The following HPSE2 variants were observed in gnomAD, a reference collection of about 807,000 sequenced individuals.
HPSE2 encodes the protein heparanase 2 (inactive).
In HPSE2, 38 loss-of-function variants were observed where a neutral mutation model predicts 60.5. That is an observed-to-expected ratio of 0.63 (90% confidence interval 0.48 to 0.82). The LOEUF (loss-of-function observed/expected upper bound fraction) is 0.82, where lower values mean the gene tolerates loss of function less well. Ranked by LOEUF, HPSE2 falls within the 40% of genes least tolerant of loss-of-function variation. The pLI is 0.00. For missense variants in HPSE2, 713 were observed against 740.4 expected, an observed-to-expected ratio of 0.96 and a Z score of 0.43; for synonymous variants, 295 against 293.2, an observed-to-expected ratio of 1.01 and a Z score of -0.06.
intron 3 of HPSE2, chr10:99,048,061 A>T: frequency 2.8e-6 from 2 of 712,334 alleles, no homozygotes; most frequent in Non-Finnish European, 5.0e-6. Context: ...CATATATTGC[A>T]TGGGGGTACC....
the HPSE2 span, among the ~76,000 whole-genome samples, chr10:99,306,021 G>A: frequency 1.9e-5 from 1 of 51,390 alleles, no homozygotes; most frequent in Admixed American, 1.6e-4. Flanking sequence ...ACACCAGACT[G>A]CTGGGGAGTA....
intron 9 of HPSE2, among the ~76,000 whole-genome samples, chr10:98,509,877 T>C (rs1290259166): frequency 6.6e-6 from 1 of 151,884 alleles, no homozygotes. Flanking sequence ...AACGGCAGCA[T>C]TTCTCTTCTC....
intron 1 of HPSE2, among the ~76,000 whole-genome samples, chr10:99,235,162 CCTTTT>C: frequency 6.6e-6 from 1 of 151,874 alleles, no homozygotes; most frequent in Middle Eastern, 3.4e-3. Context: ...TTGTTTGAGA[CCTTTT>C]CTTCGCTTTT....
At chr10:99,002,922 T>TGTAG (rs1956808916) in intron 3 of HPSE2, among the ~76,000 whole-genome samples, 1 of 152,092 alleles carries the variant, frequency 6.6e-6, no homozygotes. Context: ...CTCAATACAT[T>TGTAG]GTTATTACCT....
intron 2 of HPSE2, among the ~76,000 whole-genome samples, chr10:99,173,943 CAAAAAAAAAAAA>C (rs61074165): frequency 3.4e-3 from 335 of 99,916 alleles, no homozygotes; most frequent in Middle Eastern, 9.3e-3. Flanking sequence ...GACTCTGTCT[CAAAAAAAAAAAA>C]AAAAAAAAAA....
chr10:99,144,189 A>C (rs1177357095), intron 3 of HPSE2, 49 bp downstream of exon 3: 1 of 1,591,152 alleles, frequency 6.3e-7, no homozygotes, highest in Non-Finnish European at 8.6e-7. Context: ...CCAAAAAACA[A>C]GTTACTAACT....
chr10:98,888,222 T>G (rs141584418), intron 3 of HPSE2, among the ~76,000 whole-genome samples: 1 of 150,434 alleles, frequency 6.6e-6, no homozygotes, highest in Non-Finnish European at 1.5e-5. Flanking sequence ...ACGGAGCAAA[T>G]AGATCCTTTG....
At chr10:98,716,270 T>C (rs1475149229) in intron 5 of HPSE2, among the ~76,000 whole-genome samples, 1 of 151,984 alleles carries the variant, frequency 6.6e-6, no homozygotes, top group Non-Finnish European at 1.5e-5. Flanking sequence ...CACTGAAGTC[T>C]TGAATCCCTC....
Position 99,019,954 on chromosome 10 carries a change from T to C in HPSE2, c.610+124284A>G, listed in dbSNP as rs184316483. Among the ~76,000 whole-genome samples, 545 of 152,228 alleles carry C rather than the reference T, an allele frequency of 3.6e-3. 1 individual carries two copies. Among genetic ancestry groups the C allele is most frequent in the African/African-American group, 8.5e-3 (354 of 41,540 alleles). ...CTCAAACTCCTGACCTCAAGTCATCTGCCCACCTCAGCCTCCCAAAGTGCT... is the reference window on the plus strand; with the variant it reads ...CTCAAACTCCTGACCTCAAGTCATCCGCCCACCTCAGCCTCCCAAAGTGCT... On this transcript the variant is annotated intron_variant, in intron 3 of 11. Coordinates refer to ENST00000370552, the MANE Select transcript of HPSE2 (RefSeq NM_021828.5).
At chr10:98,497,137 C>T (rs1388971890) in intron 9 of HPSE2, among the ~76,000 whole-genome samples, 3 of 151,978 alleles carry the variant, frequency 2.0e-5, no homozygotes, top group Non-Finnish European at 4.4e-5. Context: ...ATAACCTATC[C>T]GTAAGCCCAT....
chr10:98,579,034 T>G (rs565375345), intron 9 of HPSE2, among the ~76,000 whole-genome samples: 2 of 152,318 alleles, frequency 1.3e-5, no homozygotes, highest in Non-Finnish European at 2.9e-5. Context: ...TAATTGTATA[T>G]AATGTGGGGC....
the HPSE2 span, among the ~76,000 whole-genome samples, chr10:99,293,451 G>A: frequency 1.3e-5 from 2 of 152,026 alleles, no homozygotes; most frequent in Non-Finnish European, 2.9e-5. Context: ...TGAAAACTTG[G>A]GCCATTCATC....
intron 3 of HPSE2, among the ~76,000 whole-genome samples, chr10:98,928,628 G>C (rs1266868876): frequency 1.6e-5 from 2 of 126,204 alleles, no homozygotes; most frequent in African/African-American, 3.6e-5. Context: ...AGAAAATGTG[G>C]CACATATACA....
chr10:98,874,727 GTGTGATAC>G (rs1182445250), intron 3 of HPSE2, among the ~76,000 whole-genome samples: 1 of 152,008 alleles, frequency 6.6e-6, no homozygotes, highest in Admixed American at 6.6e-5. Flanking sequence ...TGCCCATTCA[GTGTGATAC>G]TGGCTGTGGG....
chr10:98,866,743 G>GAA (rs151324657), intron 3 of HPSE2, among the ~76,000 whole-genome samples: 1 of 151,732 alleles, frequency 6.6e-6, no homozygotes, highest in Non-Finnish European at 1.5e-5. Flanking sequence ...ACAACAACAA[G>GAA]AAAAAACCTG....
intron 3 of HPSE2, among the ~76,000 whole-genome samples, chr10:98,839,601 CA>C (rs1951865273): frequency 6.6e-6 from 1 of 152,106 alleles, no homozygotes; most frequent in African/African-American, 2.4e-5. Flanking sequence ...GTCAAGTGAC[CA>C]AGCCTGATTC....
intron 2 of HPSE2, among the ~76,000 whole-genome samples, chr10:99,197,271 A>G (rs1848433243): frequency 6.6e-6 from 1 of 152,174 alleles, no homozygotes; most frequent in Non-Finnish European, 1.5e-5. Context: ...AATGGGTACA[A>G]AAAAATAGAA....
chr10:99,305,962 C>A, the HPSE2 span, among the ~76,000 whole-genome samples: 51 of 30,090 alleles, frequency 1.7e-3, no homozygotes, highest in East Asian at 5.5e-3. Context: ...CTCACACACA[C>A]GCGCGCGCGC....
At chr10:99,094,401 A>G (rs1843626626) in intron 3 of HPSE2, among the ~76,000 whole-genome samples, 1 of 150,472 alleles carries the variant, frequency 6.6e-6, no homozygotes, top group Admixed American at 6.6e-5. Flanking sequence ...GTATACACAC[A>G]TATACATTTC....
Sources: gnomAD v4.1 joint callset for allele counts (sites outside exome capture counted in the v4.1 genomes callset) on GRCh38, gnomAD v4.1.1 for gene constraint, MANE v1.5 for transcripts, NCBI Gene and HGNC (gene_info 2026-07-23, HGNC 2026-07-21) for gene names.